The following CDH15 variants were observed in gnomAD, a reference collection of about 807,000 sequenced individuals.
CDH15 encodes the protein cadherin 15, also known as cadherin-15.
Under a neutral mutation model 69.4 loss-of-function variants are expected in CDH15, and 73 were observed. The ratio of observed to expected loss-of-function variants is 1.05; its 90% CI spans 0.87 to 1.28. The LOEUF (loss-of-function observed/expected upper bound fraction) is 1.28, where lower values mean the gene tolerates loss of function less well. Among genes scored for constraint, CDH15 ranks in the 50% most tolerant of loss-of-function variants. The pLI is 0.00. For missense variants in CDH15, 1,343 were observed against 1,133.6 expected, an observed-to-expected ratio of 1.18 and a Z score of -2.65; for synonymous variants, 624 against 507.7, an observed-to-expected ratio of 1.23 and a Z score of -3.08.
At position 89,183,685 on chromosome 16, in the gene CDH15, A is replaced by C. The variant is rs775859734; in HGVS notation, c.495A>C (p.Ala165=). 1.2e-6 allele frequency: 2 copies of C among 1,602,126 alleles called. No individual in the cohort carries two copies. Among genetic ancestry groups the C allele is most frequent in the East Asian group, 2.2e-5 (1 of 44,446 alleles). Residue 165 remains alanine (A), a synonymous_variant, in exon 4 of 14, where the codon GCA becomes GCC. Transcript: ENST00000289746. The stretch of plus-strand genomic sequence containing the variant: ...TCACTGGCCGCGTGCTGGAGGGTGC[A>C]GTCCCAGGTGAGACAGGACCACAGC... ...EAFTGRVLEG[A]VPGTYVTRAE... is the part of the protein sequence containing the mutation.
intron 1 of CDH15, among the ~76,000 whole-genome samples, chr16:89,174,421 G>A (rs553367488): frequency 6.6e-6 from 1 of 152,326 alleles, no homozygotes; most frequent in East Asian, 1.9e-4. Context: ...GAAAACCGGG[G>A]GAGCAGGAGT....
At chr16:89,193,634 G>A (rs985688404) in intron 12 of CDH15, 28 bp downstream of exon 12, 14 of 1,574,048 alleles carry the variant, frequency 8.9e-6, no homozygotes, top group Admixed American at 5.6e-5. Flanking sequence ...GGTGGGGAGG[G>A]GTCCCCAAGG....
rs759795226 is a variant in CDH15, at chr16:89,193,613, G to A, written c.1992+7G>A. 2 of 1,584,220 alleles carry A rather than the reference G, an allele frequency of 1.3e-6. No individual in the cohort carries two copies. The highest frequency in any genetic ancestry group is 2.3e-5 in the South Asian group (2 of 87,764). ...AGGCGGGGAGGAGGACCAGGTGAGG[G>A]GGCAGGTGTGGGTGGGGAGGGGTCC... is the stretch of plus-strand genomic sequence containing the variant. On this transcript the variant is annotated splice_region_variant and intron_variant, in intron 12 of 13. Coordinates refer to ENST00000289746, the MANE Select transcript of CDH15 (RefSeq NM_004933.3).
At chr16:89,180,467 T>TGCAA in intron 3 of CDH15, 112 bp downstream of exon 3, 12 of 1,253,474 alleles carry the variant, frequency 9.6e-6, no homozygotes, top group Non-Finnish European at 1.1e-5. Context: ...CAGGCCAGAC[T>TGCAA]GCAAGATCCA....
rs150595651 is a variant in CDH15, at chr16:89,194,478, C to T, written c.2152-384C>T. Among the ~76,000 whole-genome samples the T allele has an allele frequency of 1.9e-3, 285 of 152,266 alleles. 3 individuals carry two copies. The East Asian group carries it at 0.026, about 14-fold the overall frequency. ...AGGACAGACATGCAGACAGAGCCTC[C>T]GAAAGGCAGACGGGCCGTTCTGCGG... is the stretch of plus-strand genomic sequence containing the variant. On this transcript the variant is annotated intron_variant, in intron 13 of 13. Coordinates refer to ENST00000289746, the MANE Select transcript of CDH15 (RefSeq NM_004933.3).
intron 7 of CDH15, among the ~76,000 whole-genome samples, chr16:89,189,129 A>G (rs1261287024): frequency 6.9e-6 from 1 of 144,090 alleles, no homozygotes; most frequent in Non-Finnish European, 1.5e-5. Flanking sequence ...GTGCCCACAC[A>G]AAGATGCCGG....
At chr16:89,190,104 G>T in intron 7 of CDH15, 139 bp from the exon 8 acceptor site, 3 of 946,950 alleles carry the variant, frequency 3.2e-6, no homozygotes, top group South Asian at 3.0e-5. Context: ...TGCATAATTT[G>T]TTTTTTCAAG....
At chr16:89,177,314 A>G (rs955582182) in intron 1 of CDH15, among the ~76,000 whole-genome samples, 5 of 152,132 alleles carry the variant, frequency 3.3e-5, no homozygotes, top group Non-Finnish European at 7.4e-5. Flanking sequence ...CTGGCCACAC[A>G]TGGGGCCTTA....
chr16:89,179,565 C>A lies in CDH15; in HGVS notation c.192C>A (p.Pro64=), dbSNP rs764989466. 2 of 1,591,852 alleles carry A rather than the reference C, an allele frequency of 1.3e-6. No homozygotes were observed. The highest frequency in any genetic ancestry group is 1.7e-6 in the Non-Finnish European group (2 of 1,166,970). The change falls in exon 2 of 14, where the codon CCC becomes CCA. Residue 64 remains proline, a synonymous_variant. Transcript: ENST00000289746. The part of the protein sequence containing the change: ...VSENHKRLPY[P]LVQIKSDKQQ... ...AGAACCACAAGCGTCTCCCCTACCC[C>A]CTGGTTCAGGTGAGCAGGTGGAGGG...
At chr16:89,183,150 C>G (rs1915413133) in intron 3 of CDH15, 1 of 182,972 alleles carries the variant, frequency 5.5e-6, no homozygotes, top group African/African-American at 2.4e-5. Context: ...CCATTGGACT[C>G]CAGCCTGGGC....
chr16:89,187,663 T>C (rs1443570244), intron 6 of CDH15, 106 bp downstream of exon 6: 16 of 1,503,064 alleles, frequency 1.1e-5, no homozygotes, highest in African/African-American at 1.4e-5. Flanking sequence ...AGGAGGATGG[T>C]GTGCTTTGGA....
chr16:89,192,490 C>G (rs780416394), intron 11 of CDH15, 46 bp downstream of exon 11: 1 of 1,553,138 alleles, frequency 6.4e-7, no homozygotes, highest in South Asian at 1.2e-5. Context: ...ACCCTCGGAC[C>G]CTCCTCCCCA....
rs1002928124 is a variant in CDH15, at chr16:89,193,758, G to A, written c.1996G>A (p.Ala666Thr). 9 of 1,603,082 alleles carry A rather than the reference G, an allele frequency of 5.6e-6. No homozygotes were observed. The Admixed American group carries it at 1.0e-4, about 18-fold the overall frequency. ...EQGGGEEDQDAYDISQLRHPT... is the reference protein window; with the variant it reads ...EQGGGEEDQDTYDISQLRHPT... ...TGTTCCACCTCCTCGCCCACAGGAC[G>A]CCTACGACATCAGCCAGCTGCGTCA... Residue 666 changes from alanine (A) to threonine (T), a missense_variant, in exon 13 of 14, where the codon GCC becomes ACC. Coordinates refer to ENST00000289746, the MANE Select transcript of CDH15 (RefSeq NM_004933.3).
intron 13 of CDH15, 64 bp downstream of exon 13, chr16:89,193,977 T>G (rs1915725547): frequency 6.5e-7 from 1 of 1,544,446 alleles, no homozygotes; most frequent in South Asian, 1.1e-5. Flanking sequence ...CACATGCACA[T>G]GTACACACCT....
chr16:89,190,647 A>G (rs1276033867), intron 8 of CDH15, 151 bp downstream of exon 8: 1 of 1,046,328 alleles, frequency 9.6e-7, no homozygotes, highest in Non-Finnish European at 1.4e-6. Context: ...TCGAGTCCCG[A>G]GCATGCCCGT....
At chr16:89,180,514 G>A (rs1244645906) in intron 3 of CDH15, among the ~76,000 whole-genome samples, 159 bp downstream of exon 3, 2 of 152,188 alleles carry the variant, frequency 1.3e-5, no homozygotes, top group African/African-American at 4.8e-5. Context: ...CAGGGGTTTG[G>A]GACCGAGGCC....
Position 89,193,521 on chromosome 16 carries a change from G to A in CDH15, c.1907G>A (p.Gly636Asp), listed in dbSNP as rs1292541784. ...GCGCGGTTCTGGAAGCAGTCTCGGG[G>A]CAAGGGGCTGCTGCACGGCCCCCAG... The part of the protein sequence containing the change: ...LRARFWKQSR[G>D]KGLLHGPQDD... The change falls in exon 12 of 14, where the codon GGC becomes GAC. Residue 636 changes from glycine to aspartate, a missense_variant. By Grantham distance (94) the Gly-to-Asp change is moderately conservative (BLOSUM62 -1). Transcript: ENST00000289746. The A allele has an allele frequency of 1.2e-6, 2 of 1,612,122 alleles. No homozygotes were observed. Among genetic ancestry groups the A allele is most frequent in the African/African-American group, 1.3e-5 (1 of 74,916 alleles).
At chr16:89,194,675 C>G (rs1018494343) in intron 13 of CDH15, among the ~76,000 whole-genome samples, 187 bp from the exon 14 acceptor site, 1 of 152,166 alleles carries the variant, frequency 6.6e-6, no homozygotes, top group African/African-American at 2.4e-5. Flanking sequence ...TCCGTGGCAC[C>G]CTCTTCACAA....
At chr16:89,184,814 C>T (rs1915447413) in intron 4 of CDH15, among the ~76,000 whole-genome samples, 1 of 152,188 alleles carries the variant, frequency 6.6e-6, no homozygotes, top group African/African-American at 2.4e-5. Flanking sequence ...TCTGACCCAG[C>T]GCCCTTAGCC....
Sources: gnomAD v4.1 joint callset for allele counts (sites outside exome capture counted in the v4.1 genomes callset) on GRCh38, gnomAD v4.1.1 for gene constraint, MANE v1.5 for transcripts, NCBI Gene and HGNC (gene_info 2026-07-23, HGNC 2026-07-21) for gene names.